The following OCA2 variants were observed in gnomAD, a reference collection of about 807,000 sequenced individuals.
The protein encoded by OCA2 is P protein.
OCA2 carries 77 observed loss-of-function variants against 100.2 expected under a neutral mutation model. The observed-to-expected ratio is 0.77, with a 90% CI of 0.64 to 0.93. The LOEUF (loss-of-function observed/expected upper bound fraction) is 0.93. OCA2 is among the 40% of genes least tolerant of loss of function. OCA2 has a pLI of 0.00. For missense variants in OCA2, 1,062 were observed against 1,089.1 expected (o/e 0.98, Z 0.35); for synonymous variants, 432 against 439.2 (o/e 0.98, Z 0.21).
In OCA2 at chr15:27,844,247, C is replaced by A. The variant is rs1215996569; in HGVS notation, c.2432+712G>T. On this transcript the variant is annotated intron_variant, in intron 23 of 23. Coordinates refer to ENST00000354638, the MANE Select transcript of OCA2 (RefSeq NM_000275.3). ...CTGCACAGTCCTCCTGAGAGGTGCCCACACAAGAGAGGGACGCCACTGCCA... is the reference window on the plus strand; with the variant it reads ...CTGCACAGTCCTCCTGAGAGGTGCCAACACAAGAGAGGGACGCCACTGCCA... Among the ~76,000 whole-genome samples, 4 of 152,156 alleles carry A rather than the reference C, an allele frequency of 2.6e-5. No homozygotes were observed. The South Asian group carries it at 6.2e-4, about 24-fold the overall frequency.
At chr15:27,871,799 T>TA (rs1198762064) in intron 20 of OCA2, 64 bp downstream of exon 20, 2 of 1,191,724 alleles carry the variant, frequency 1.7e-6, no homozygotes, top group African/African-American at 3.1e-5. Context: ...TTTTTTTTTT[T>TA]AATTTTTTTC....
intron 2 of OCA2, among the ~76,000 whole-genome samples, chr15:28,069,429 C>T (rs1262853190): frequency 8.3e-5 from 6 of 71,874 alleles, no homozygotes; most frequent in African/African-American, 5.2e-4. Context: ...TCCCCCTCCC[C>T]CTCCCCCTCT....
At chr15:27,753,630 G>C (rs1407219926), downstream of OCA2, among the ~76,000 whole-genome samples, 1 of 152,002 alleles carries the variant, frequency 6.6e-6, no homozygotes, top group Non-Finnish European at 1.5e-5. Context: ...CCAGCTACTC[G>C]GGAGGCTGAG....
intron 23 of OCA2, among the ~76,000 whole-genome samples, chr15:27,825,475 G>C (rs1039206506): frequency 6.6e-6 from 1 of 152,172 alleles, no homozygotes; most frequent in Non-Finnish European, 1.5e-5. Flanking sequence ...GCAGGGAAGC[G>C]GCCCGGCTGG....
At chr15:27,808,719 C>T (rs887840065) in intron 23 of OCA2, among the ~76,000 whole-genome samples, 6 of 152,054 alleles carry the variant, frequency 3.9e-5, no homozygotes, top group Admixed American at 6.6e-5. Flanking sequence ...AGCTGGGAGC[C>T]GGGGTCTGAG....
intron 23 of OCA2, among the ~76,000 whole-genome samples, chr15:27,839,135 A>G (rs2035257153): frequency 6.6e-6 from 1 of 152,236 alleles, no homozygotes; most frequent in Non-Finnish European, 1.5e-5. Context: ...TAGAAGTCAA[A>G]GGTTATCATT....
chr15:27,902,414 G>C (rs2037985775), intron 19 of OCA2, among the ~76,000 whole-genome samples: 1 of 152,142 alleles, frequency 6.6e-6, no homozygotes, highest in Non-Finnish European at 1.5e-5. Flanking sequence ...ATTATAGATT[G>C]ACTAATTAAA....
chr15:27,930,182 G>C (rs1437944814), intron 18 of OCA2, among the ~76,000 whole-genome samples: 1 of 152,098 alleles, frequency 6.6e-6, no homozygotes, highest in Non-Finnish European at 1.5e-5. Flanking sequence ...ACAAAGAATT[G>C]AACACGATGT....
intron 23 of OCA2, among the ~76,000 whole-genome samples, chr15:27,816,000 G>A (rs1363001568): frequency 6.6e-6 from 1 of 152,152 alleles, no homozygotes; most frequent in African/African-American, 2.4e-5. Flanking sequence ...CAGGCATGGT[G>A]GTGGGTGCCT....
At chr15:27,832,970 C>G (rs1448715589) in intron 23 of OCA2, among the ~76,000 whole-genome samples, 2 of 150,716 alleles carry the variant, frequency 1.3e-5, no homozygotes, top group East Asian at 3.9e-4. Context: ...TATGCCACCA[C>G]GCCCAGCTGA....
At chr15:27,722,806 C>CT in the OCA2 span, among the ~76,000 whole-genome samples, 2 of 140,314 alleles carry the variant, frequency 1.4e-5, no homozygotes, top group African/African-American at 5.5e-5. Flanking sequence ...CTCTCTTTCT[C>CT]TCTCTCTTTC....
chr15:27,719,669 A>G, the OCA2 span, among the ~76,000 whole-genome samples: 2 of 152,216 alleles, frequency 1.3e-5, no homozygotes, highest in African/African-American at 4.8e-5. Flanking sequence ...TCAAACGGAA[A>G]CATATCCACA....
intron 2 of OCA2, among the ~76,000 whole-genome samples, chr15:28,070,892 C>T (rs2044238220): frequency 7.0e-6 from 1 of 143,504 alleles, no homozygotes; most frequent in Non-Finnish European, 1.5e-5. Flanking sequence ...GAAACATGTG[C>T]TGTGTCCACT....
chr15:28,002,264 G>C (rs1282840322), intron 9 of OCA2, among the ~76,000 whole-genome samples: 1 of 152,194 alleles, frequency 6.6e-6, no homozygotes, highest in African/African-American at 2.4e-5. Flanking sequence ...GAACGTAGAG[G>C]CTTGAGCTGA....
intron 17 of OCA2, among the ~76,000 whole-genome samples, chr15:27,954,499 C>A (rs934471886): frequency 6.6e-6 from 1 of 152,168 alleles, no homozygotes; most frequent in African/African-American, 2.4e-5. Flanking sequence ...GAGGAAACAC[C>A]TGACTCGCAT....
At chr15:27,803,454 G>A (rs1304085472) in intron 23 of OCA2, among the ~76,000 whole-genome samples, 1 of 152,132 alleles carries the variant, frequency 6.6e-6, no homozygotes, top group Non-Finnish European at 1.5e-5. Context: ...GGACACTGGC[G>A]ACATAAGGCT....
intron 17 of OCA2, 24 bp from the exon 18 acceptor site, chr15:27,951,916 A>G (rs2040044077): frequency 6.7e-7 from 1 of 1,501,044 alleles, no homozygotes; most frequent in Non-Finnish European, 9.3e-7. Flanking sequence ...ACCACAGCTC[A>G]TTTACTCTGC....
the OCA2 span, among the ~76,000 whole-genome samples, chr15:27,740,544 A>G: frequency 1.3e-5 from 2 of 152,214 alleles, no homozygotes; most frequent in Non-Finnish European, 2.9e-5. Flanking sequence ...AATTTAGTCA[A>G]CAAAAGTACA....
chr15:28,079,458 T>C (rs991074205), intron 2 of OCA2, among the ~76,000 whole-genome samples: 2 of 152,052 alleles, frequency 1.3e-5, no homozygotes, highest in African/African-American at 2.4e-5. Context: ...GTGTGCTGTT[T>C]CAGGGGGCTC....
Sources: gnomAD v4.1 joint callset for allele counts (sites outside exome capture counted in the v4.1 genomes callset) on GRCh38, gnomAD v4.1.1 for gene constraint, MANE v1.5 for transcripts, NCBI Gene and HGNC (gene_info 2026-07-23, HGNC 2026-07-21) for gene names.